RALGAPA2: variants seen among roughly 807,000 people sequenced by gnomAD.
The protein encoded by RALGAPA2 is Ral GTPase activating protein catalytic subunit alpha 2, also known as ral GTPase-activating protein subunit alpha-2.
In RALGAPA2, 139 loss-of-function variants were observed where a neutral mutation model predicts 230.4. The observed-to-expected ratio is 0.60, with a 90% CI of 0.53 to 0.69. The LOEUF (loss-of-function observed/expected upper bound fraction) is 0.69, where lower values mean the gene tolerates loss of function less well. Ranked by LOEUF, RALGAPA2 falls within the 30% of genes least tolerant of loss-of-function variation. The probability of loss-of-function intolerance (pLI) is 0.00; values close to 1 mark genes in which losing one functional copy is unlikely to be tolerated. For missense variants in RALGAPA2, 2,163 were observed against 2,276.0 expected, an observed-to-expected ratio of 0.95 and a Z score of 1.01; for synonymous variants, 847 against 837.8, an observed-to-expected ratio of 1.01 and a Z score of -0.19.
chr20:20,540,241 G>A (rs759061940), intron 24 of RALGAPA2, among the ~76,000 whole-genome samples: 11 of 152,162 alleles, frequency 7.2e-5, no homozygotes, highest in Non-Finnish European at 5.9e-5. Context: ...GTAGTACACG[G>A]GGATGAAGAT....
At chr20:20,501,294 CTGT>C (rs1388927016) in intron 35 of RALGAPA2, among the ~76,000 whole-genome samples, 1 of 152,238 alleles carries the variant, frequency 6.6e-6, no homozygotes. Context: ...CACTGAAAAT[CTGT>C]TGTTTAGTGT....
intron 3 of RALGAPA2, among the ~76,000 whole-genome samples, chr20:20,665,342 G>A (rs2067925217): frequency 6.6e-6 from 1 of 152,148 alleles, no homozygotes; most frequent in Non-Finnish European, 1.5e-5. Context: ...CACATCAAGT[G>A]GCACACTATG....
intron 37 of RALGAPA2, among the ~76,000 whole-genome samples, chr20:20,458,840 C>CTATATA (rs10539542): frequency 5.1e-5 from 2 of 38,972 alleles, no homozygotes; most frequent in African/African-American, 1.6e-4. Context: ...ATATATAGAC[C>CTATATA]TATATATATA....
intron 16 of RALGAPA2, chr20:20,598,933 T>A (rs1011141063): frequency 1.7e-5 from 6 of 353,006 alleles, no homozygotes; most frequent in Non-Finnish European, 3.3e-5. Context: ...ATTTAAACTT[T>A]TAAACTTTAA....
intron 11 of RALGAPA2, 91 bp from the exon 12 acceptor site, chr20:20,619,505 C>A: frequency 1.0e-6 from 1 of 996,338 alleles, no homozygotes; most frequent in Non-Finnish European, 1.3e-6. Context: ...ATTATATAAA[C>A]TAAGTTATAT....
chr20:20,401,431 A>T (rs949195594), intron 38 of RALGAPA2, among the ~76,000 whole-genome samples: 2 of 152,082 alleles, frequency 1.3e-5, no homozygotes, highest in African/African-American at 4.8e-5. Flanking sequence ...AATAGGGCCA[A>T]CCCACTGCTG....
At chr20:20,477,778 G>A (rs913949502) in intron 36 of RALGAPA2, among the ~76,000 whole-genome samples, 1 of 152,088 alleles carries the variant, frequency 6.6e-6, no homozygotes, top group African/African-American at 2.4e-5. Flanking sequence ...AGTAGAGACG[G>A]GGTTTCACCA....
chr20:20,681,908 G>C (rs1488442513), intron 1 of RALGAPA2, among the ~76,000 whole-genome samples: 1 of 152,056 alleles, frequency 6.6e-6, no homozygotes, highest in Non-Finnish European at 1.5e-5. Context: ...ACAATAAAAA[G>C]CTTCCTTAAA....
chr20:20,625,282 T>C (rs571265082), intron 10 of RALGAPA2, among the ~76,000 whole-genome samples: 1 of 152,220 alleles, frequency 6.6e-6, no homozygotes, highest in Non-Finnish European at 1.5e-5. Flanking sequence ...CTCATCTATG[T>C]AGCTAGCCAG....
At chr20:20,594,384 T>C (rs1288754301) in intron 16 of RALGAPA2, among the ~76,000 whole-genome samples, 1 of 152,272 alleles carries the variant, frequency 6.6e-6, no homozygotes, top group Non-Finnish European at 1.5e-5. Flanking sequence ...TCTCATTCTG[T>C]GGGGTTAGCT....
chr20:20,689,470 C>T lies in RALGAPA2; in HGVS notation c.107-8669G>A, dbSNP rs547715315. ...CATCCTGGCCAACATGGTGAAACCC[C>T]GTCTCTACTAAAAATACAAAAATCA... On this transcript the variant is annotated intron_variant, in intron 1 of 39. Transcript: ENST00000202677. Among the ~76,000 whole-genome samples the T allele has an allele frequency of 5.3e-5, 8 of 152,202 alleles. No homozygotes were observed. In the South Asian group the frequency reaches 1.5e-3, roughly 28 times the overall value.
intron 23 of RALGAPA2, among the ~76,000 whole-genome samples, chr20:20,551,368 A>T (rs2063919520): frequency 6.6e-6 from 1 of 152,256 alleles, no homozygotes; most frequent in African/African-American, 2.4e-5. Flanking sequence ...AAAGAAATTA[A>T]AATTCATCCT....
At chr20:20,611,257 T>C in intron 14 of RALGAPA2, 58 bp downstream of exon 14, 5 of 1,522,520 alleles carry the variant, frequency 3.3e-6, no homozygotes, top group South Asian at 1.4e-5. Flanking sequence ...TAAAACTAGT[T>C]TGCTACAAAA....
intron 38 of RALGAPA2, among the ~76,000 whole-genome samples, chr20:20,408,947 T>C (rs1331061976): frequency 3.3e-5 from 5 of 152,234 alleles, no homozygotes; most frequent in Non-Finnish European, 7.3e-5. Context: ...ATGGAATAGA[T>C]ACAAGGTAGA....
chr20:20,628,643 C>A (rs867978442), intron 10 of RALGAPA2, among the ~76,000 whole-genome samples: 2 of 152,148 alleles, frequency 1.3e-5, no homozygotes, highest in Non-Finnish European at 2.9e-5. Context: ...TCCCTGGCTG[C>A]GACCCACTAA....
In RALGAPA2 at chr20:20,620,637, G is replaced by A; in HGVS notation, c.1234-7C>T. On this transcript the variant is annotated splice_region_variant and splice_polypyrimidine_tract_variant and intron_variant, in intron 10 of 39. Coordinates refer to ENST00000202677, the MANE Select transcript of RALGAPA2 (RefSeq NM_020343.4). Reference sequence around the variant, plus strand: ...AGGAAGGCAACAAAAATGCCTGAAAGGAAAAGAGAAAACTCCCTTTAACTA... The same window carrying A: ...AGGAAGGCAACAAAAATGCCTGAAAAGAAAAGAGAAAACTCCCTTTAACTA... The A allele has an allele frequency of 1.2e-6, 2 of 1,601,286 alleles. No individual in the cohort carries two copies. The highest frequency in any genetic ancestry group is 1.7e-6 in the Non-Finnish European group (2 of 1,174,118).
intron 19 of RALGAPA2, among the ~76,000 whole-genome samples, chr20:20,584,641 G>T (rs1361743492): frequency 6.6e-6 from 1 of 152,120 alleles, no homozygotes; most frequent in Non-Finnish European, 1.5e-5. Flanking sequence ...TCAGCCAAGC[G>T]CATTGACATG....
intron 14 of RALGAPA2, among the ~76,000 whole-genome samples, chr20:20,605,696 C>A (rs374655573): frequency 6.6e-6 from 1 of 152,180 alleles, no homozygotes; most frequent in African/African-American, 2.4e-5. Flanking sequence ...AAGCCCTCCG[C>A]ACAGTGACAA....
chr20:20,677,218 G>GGAATGCA (rs1473177556), intron 2 of RALGAPA2, among the ~76,000 whole-genome samples: 1 of 152,142 alleles, frequency 6.6e-6, no homozygotes, highest in Admixed American at 6.5e-5. Context: ...AAAACAAGAA[G>GGAATGCA]GAATGCAGAC....
Sources: gnomAD v4.1 joint callset for allele counts (sites outside exome capture counted in the v4.1 genomes callset) on GRCh38, gnomAD v4.1.1 for gene constraint, MANE v1.5 for transcripts, NCBI Gene and HGNC (gene_info 2026-07-23, HGNC 2026-07-21) for gene names.